TRIM47: variants seen among roughly 807,000 people sequenced by gnomAD.
TRIM47 encodes the protein tripartite motif containing 47.
Under a neutral mutation model 54.4 loss-of-function variants are expected in TRIM47, and 46 were observed. The observed-to-expected ratio is 0.84, with a 90% CI of 0.67 to 1.08. The LOEUF (loss-of-function observed/expected upper bound fraction) is 1.08. Among genes scored for constraint, TRIM47 ranks in the 50% least tolerant of loss-of-function variants. The pLI is 0.00. For synonymous variants in TRIM47, 392 were observed against 410.2 expected (o/e 0.96, Z 0.54); for missense variants, 825 against 910.1 (o/e 0.91, Z 1.20).
chr17:75,876,528 A>G (rs776180092), intron 2 of TRIM47, 36 bp from the exon 3 acceptor site: 1 of 1,552,418 alleles, frequency 6.4e-7, no homozygotes, highest in Non-Finnish European at 8.7e-7. Context: ...CAATGAGGGC[A>G]AAGAACCGTC....
chr17:75,875,032 GA>G lies in TRIM47; in HGVS notation c.1367del (p.Ile456ThrfsTer114). The G allele has an allele frequency of 6.2e-7, 1 of 1,614,118 alleles. No individual in the cohort carries two copies. The highest frequency in any genetic ancestry group is 1.1e-5 in the South Asian group (1 of 91,082). Reference protein sequence around the residue: ...TKGVKRVLCPINYPLSPTRFT... With the variant: ...TKGVKRVLCPXNYPLSPTRFT... The stretch of plus-strand genomic sequence containing the variant: ...AGCGGGTGGGCGACAAGGGGTAGTT[GA>G]TAGGACACAGCACCCTCTTGACACC... On this transcript the variant is annotated frameshift_variant, in exon 6 of 6. Transcript: ENST00000254816. LOFTEE classifies it high-confidence loss of function. This position sits in a 1 kb window ranked among gnomAD's most constrained non-coding sequence, Gnocchi z 6.1.
Position 75,874,446 on chromosome 17 carries a change from G to A in TRIM47, c.*37C>T, listed in dbSNP as rs773201272. 21 of 1,484,526 alleles carry A rather than the reference G, an allele frequency of 1.4e-5. No individual in the cohort carries two copies. Among genetic ancestry groups the A allele is most frequent in the African/African-American group, 5.6e-5 (4 of 71,122 alleles). The allele number at this position is 1,484,526 out of a possible 1,614,324, so 92.0% of individuals were successfully genotyped here. On this transcript the variant is annotated 3_prime_UTR_variant, in exon 6 of 6. Transcript: ENST00000254816. This position sits in a 1 kb window ranked among gnomAD's most constrained non-coding sequence, Gnocchi z 6.2. Reference sequence around the variant, plus strand: ...GAGGGCCCAGAGGAGGCAGCTTCCTGGAGCAGAGACGGCAGCAGGAGCGCC... The same window carrying A: ...GAGGGCCCAGAGGAGGCAGCTTCCTAGAGCAGAGACGGCAGCAGGAGCGCC...
At position 75,876,790 on chromosome 17, in the gene TRIM47, G is replaced by C. The variant is rs770368188; in HGVS notation, c.699C>G (p.Ser233Arg). Residue 233 changes from serine to arginine, a missense_variant, in exon 2 of 6, where the codon AGC (serine) becomes AGG (arginine). Coordinates refer to ENST00000254816, the MANE Select transcript of TRIM47 (RefSeq NM_033452.3). ...GCTCGTCCATGCGGTCCTCCACGGC[G>C]CTCAGGACTTTGGACTGCTCAGCCT... ...LQEAEQSKVL[S>R]AVEDRMDELG... 9 of 1,613,990 alleles carry C rather than the reference G, an allele frequency of 5.6e-6. No individual in the cohort carries two copies. The highest frequency in any genetic ancestry group is 4.0e-5 in the African/African-American group (3 of 74,942).
rs1220916832 is a variant in TRIM47 at position 75,878,174 on chromosome 17, C to T, written c.375G>A (p.Glu125=). The T allele has an allele frequency of 2.4e-6, 3 of 1,231,114 alleles. No homozygotes were observed. The highest frequency in any genetic ancestry group is 3.0e-6 in the Non-Finnish European group (3 of 987,766). 76.3% of individuals were successfully genotyped at this position (1,231,114 alleles called of 1,614,324 possible). A position where few individuals can be genotyped will look rare whatever the true frequency, so the allele number is the denominator to read the frequency against. ...CGGGGCACGCGTCGCAGCGCACTGG[C>T]TCTTCGCCCGCGGGCCACGGCTCGG... The part of the protein sequence containing the change: ...CAPEPWPAGE[E]PVRCDACPEG... The change falls in exon 1 of 6, where the codon GAG becomes GAA. Residue 125 remains glutamate (E), a synonymous_variant. Coordinates refer to ENST00000254816, the MANE Select transcript of TRIM47 (RefSeq NM_033452.3).
At position 75,875,130 on chromosome 17, in the gene TRIM47, C is replaced by A; in HGVS notation, c.1277-7G>T. On this transcript the variant is annotated splice_region_variant and splice_polypyrimidine_tract_variant and intron_variant, in intron 5 of 5. Coordinates refer to ENST00000254816, the MANE Select transcript of TRIM47 (RefSeq NM_033452.3). This position sits in a 1 kb window ranked among gnomAD's most constrained non-coding sequence, Gnocchi z 6.1. ...AAATCCACAATATAGGCAACTGATC[C>A]CGTGGACAGAAGAGAGAGGCAGGGC... 1.3e-6 allele frequency: 2 copies of A among 1,580,402 alleles called. No homozygotes were observed. The highest frequency in any genetic ancestry group is 1.2e-5 in the South Asian group (1 of 86,000).
At position 75,874,265 on chromosome 17, in the gene TRIM47, AG is replaced by A. The variant is rs2065118012; in HGVS notation, c.*217del. 4.7e-6 allele frequency: 2 copies of A among 425,852 alleles called. No homozygotes were observed. Among genetic ancestry groups the A allele is most frequent in the Non-Finnish European group, 8.2e-6 (2 of 243,338 alleles). 26.4% of individuals were successfully genotyped at this position (425,852 alleles called of 1,614,324 possible). A position where few individuals can be genotyped will look rare whatever the true frequency, so the allele number is the denominator to read the frequency against. On this transcript the variant is annotated 3_prime_UTR_variant, in exon 6 of 6. Transcript: ENST00000254816. This position sits in a 1 kb window ranked among gnomAD's most constrained non-coding sequence, Gnocchi z 6.2. ...GGTAGCTTGGAGCTGTCCCAGCTGT[AG>A]CTCTGTCTCCCAGAAGTGAGGTCTG...
chr17:75,877,299 C>A (rs992162203), intron 1 of TRIM47: 6 of 164,614 alleles, frequency 3.6e-5, no homozygotes, highest in Admixed American at 2.4e-4. Flanking sequence ...TGAGTCACTG[C>A]TCCAGGCAGG....
intron 1 of TRIM47, 163 bp from the exon 2 acceptor site, chr17:75,876,976 C>A: frequency 3.0e-6 from 2 of 674,542 alleles, no homozygotes; most frequent in African/African-American, 1.8e-5. Context: ...GCCAGAGGTG[C>A]CTGCAGCCCA....
rs1363658751 is a variant in TRIM47 at position 75,875,136 on chromosome 17, A to G, written c.1277-13T>C. 2 of 1,576,136 alleles carry G rather than the reference A, an allele frequency of 1.3e-6. No individual in the cohort carries two copies. The highest frequency in any genetic ancestry group is 1.7e-6 in the Non-Finnish European group (2 of 1,157,964). ...ACAATATAGGCAACTGATCCCGTGGACAGAAGAGAGAGGCAGGGCTCAGGG... is the reference window on the plus strand; with the variant it reads ...ACAATATAGGCAACTGATCCCGTGGGCAGAAGAGAGAGGCAGGGCTCAGGG... On this transcript the variant is annotated splice_polypyrimidine_tract_variant and intron_variant, in intron 5 of 5. Transcript: ENST00000254816. This position sits in a 1 kb window ranked among gnomAD's most constrained non-coding sequence, Gnocchi z 6.1.
chr17:75,876,762 C>T lies in TRIM47; in HGVS notation c.727G>A (p.Gly243Ser). The change falls in exon 2 of 6, where the codon GGT becomes AGT. Residue 243 changes from glycine to serine, a missense_variant. Gly to Ser is a moderately conservative substitution (Grantham distance 56, BLOSUM62 0). Transcript: ENST00000254816. ...CGCCTGGACTGTGCAATGCCAGCAC[C>T]CAGCTCGTCCATGCGGTCCTCCACG... ...SAVEDRMDEL[G>S]AGIAQSRRTV... The T allele has an allele frequency of 1.9e-6, 3 of 1,614,182 alleles. No homozygotes were observed. Among genetic ancestry groups the T allele is most frequent in the Non-Finnish European group, 2.5e-6 (3 of 1,180,030 alleles).
intron 1 of TRIM47, 139 bp from the exon 2 acceptor site, chr17:75,876,952 A>AT (rs1306520007): frequency 1.3e-6 from 1 of 769,626 alleles, no homozygotes; most frequent in Admixed American, 2.5e-5. Context: ...AGTGGCCACG[A>AT]TGTCCCATAA....
rs2065146423 is a variant in TRIM47, at chr17:75,878,062, G to C, written c.487C>G (p.Pro163Ala). ...ACCAGGCGGTGTCCGCGGAGGGCGGGGCTGCGCTCGTGCGGGCCCAGGTGC... is the reference window on the plus strand; with the variant it reads ...ACCAGGCGGTGTCCGCGGAGGGCGGCGCTGCGCTCGTGCGGGCCCAGGTGC... ...PAHLGPHERSPALRGHRLVPP... is the reference protein window; with the variant it reads ...PAHLGPHERSAALRGHRLVPP... The change falls in exon 1 of 6, where the codon CCC becomes GCC. Residue 163 changes from proline (P) to alanine (A), a missense_variant. Transcript: ENST00000254816. The C allele has an allele frequency of 9.5e-6, 13 of 1,371,542 alleles. No homozygotes were observed. Among genetic ancestry groups the C allele is most frequent in the Non-Finnish European group, 1.1e-5 (12 of 1,067,022 alleles). The allele number at this position is 1,371,542 out of a possible 1,614,324, so 85.0% of individuals were successfully genotyped here.
rs2065132056 is a variant in TRIM47, at chr17:75,876,091, C to T, written c.1011G>A (p.Leu337=). ...ADSVSFLQEL[L]ALRLALEDGC... is the part of the protein sequence containing the mutation. ...CATCCTCCAGGGCCAGCCTTAGTGCCAGCAGCTCCTGTGCCAGACAAATGC... is the reference window on the plus strand; with the variant it reads ...CATCCTCCAGGGCCAGCCTTAGTGCTAGCAGCTCCTGTGCCAGACAAATGC... The change falls in exon 4 of 6, where the codon CTG becomes CTA. Residue 337 remains leucine (L), a synonymous_variant. Transcript: ENST00000254816. 1.2e-6 allele frequency: 2 copies of T among 1,600,744 alleles called. No individual in the cohort carries two copies. Among genetic ancestry groups the T allele is most frequent in the African/African-American group, 2.7e-5 (2 of 75,050 alleles).
chr17:75,876,246 C>A lies in TRIM47; in HGVS notation c.1002+16G>T. 1.3e-6 allele frequency: 2 copies of A among 1,595,374 alleles called. No homozygotes were observed. Among genetic ancestry groups the A allele is most frequent in the South Asian group, 1.1e-5 (1 of 90,408 alleles). On this transcript the variant is annotated intron_variant, in intron 3 of 5. Coordinates refer to ENST00000254816, the MANE Select transcript of TRIM47 (RefSeq NM_033452.3). ...CCAGCTTCTGTTCCTTCCGTGGCCC[C>A]CAGAGCGGCCTTCACCTGCAGGAAG...
At chr17:75,876,237 C>T in intron 3 of TRIM47, 25 bp downstream of exon 3, 1 of 1,589,056 alleles carries the variant, frequency 6.3e-7, no homozygotes, top group South Asian at 1.1e-5. Flanking sequence ...TCTGTTCCTT[C>T]CGTGGCCCCC....
rs1252750422 is a variant in TRIM47 at position 75,875,536 on chromosome 17, A to G, written c.1202-62T>C. On this transcript the variant is annotated intron_variant, in intron 4 of 5. Transcript: ENST00000254816. The surrounding 1 kb of genome is among the most constrained non-coding windows in gnomAD (Gnocchi z 6.1). ...ACTGCCCCCCTCTGAACCTGTGACTACAATCCCTACCCCCTTCACTTCCTC... is the reference window on the plus strand; with the variant it reads ...ACTGCCCCCCTCTGAACCTGTGACTGCAATCCCTACCCCCTTCACTTCCTC... The G allele has an allele frequency of 2.1e-6, 3 of 1,428,686 alleles. No homozygotes were observed. The highest frequency in any genetic ancestry group is 2.3e-5 in the East Asian group (1 of 43,348). The allele number at this position is 1,428,686 out of a possible 1,614,324, so 88.5% of individuals were successfully genotyped here.
In TRIM47 at chr17:75,875,781, G is replaced by A. The variant is rs965751288; in HGVS notation, c.1201+120C>T. The stretch of plus-strand genomic sequence containing the variant: ...AGCTCTAGTCACTGGCAGGATTTGG[G>A]CTCCTCCCTGTGCCAGGCACAATTT... On this transcript the variant is annotated intron_variant, in intron 4 of 5. Transcript: ENST00000254816. The surrounding 1 kb of genome is among the most constrained non-coding windows in gnomAD (Gnocchi z 6.1). 1 of 1,219,376 alleles carries A rather than the reference G, an allele frequency of 8.2e-7. No individual in the cohort carries two copies. The highest frequency in any genetic ancestry group is 1.5e-5 in the African/African-American group (1 of 66,690). The allele number at this position is 1,219,376 out of a possible 1,614,324, so 75.5% of individuals were successfully genotyped here.
Position 75,874,863 on chromosome 17 carries a change from G to A in TRIM47, c.1537C>T (p.Leu513=). ...SPQEPYDRGR[L]GRNAHSCCLQ... is the part of the protein sequence containing the mutation. ...CAGCAGGAGTGGGCGTTGCGGCCCA[G>A]CCGGCCGCGGTCGTAGGGCTCTTGT... The change falls in exon 6 of 6, where the codon CTG becomes TTG. Residue 513 remains leucine, a synonymous_variant. Transcript: ENST00000254816. This position sits in a 1 kb window ranked among gnomAD's most constrained non-coding sequence, Gnocchi z 6.2. 6.2e-7 allele frequency: 1 copy of A among 1,614,154 alleles called. No homozygotes were observed. Among genetic ancestry groups the A allele is most frequent in the Non-Finnish European group, 8.5e-7 (1 of 1,180,032 alleles).
rs1366777112 is a variant in TRIM47 at position 75,875,184 on chromosome 17, C to A, written c.1277-61G>T. On this transcript the variant is annotated intron_variant, in intron 5 of 5. Coordinates refer to ENST00000254816, the MANE Select transcript of TRIM47 (RefSeq NM_033452.3). This position sits in a 1 kb window ranked among gnomAD's most constrained non-coding sequence, Gnocchi z 6.1. Reference sequence around the variant, plus strand: ...GGGCCAGGCTCAGAGGGCACGGCCCCTCCCCAAGTACCCACCCCCCCAAAA... The same window carrying A: ...GGGCCAGGCTCAGAGGGCACGGCCCATCCCCAAGTACCCACCCCCCCAAAA... 89 of 1,525,564 alleles carry A rather than the reference C, an allele frequency of 5.8e-5. No individual in the cohort carries two copies. The highest frequency in any genetic ancestry group is 7.8e-5 in the Non-Finnish European group (89 of 1,135,320). The allele number at this position is 1,525,564 out of a possible 1,614,324, so 94.5% of individuals were successfully genotyped here.
Sources: allele counts gnomAD v4.1 joint callset, GRCh38; gene constraint gnomAD v4.1.1; non-coding constraint Gnocchi (gnomAD v3.1); transcripts MANE v1.5; gene names NCBI Gene and HGNC (gene_info 2026-07-23, HGNC 2026-07-21).